PTPRD: variants seen among roughly 807,000 people sequenced by gnomAD.
PTPRD encodes the protein receptor-type tyrosine-protein phosphatase delta.
In PTPRD, 34 loss-of-function variants were observed where a neutral mutation model predicts 214.5. That is an observed-to-expected ratio of 0.16 (90% CI 0.12 to 0.21). The LOEUF (loss-of-function observed/expected upper bound fraction) is 0.21. Among genes scored for constraint, PTPRD ranks in the 10% least tolerant of loss-of-function variants. The probability of loss-of-function intolerance (pLI) is 1.00; values close to 1 mark genes in which losing one functional copy is unlikely to be tolerated. For synonymous variants in PTPRD, 1,128 were observed against 845.7 expected, an observed-to-expected ratio of 1.33 and a Z score of -5.79; for missense variants, 2,545 against 2,398.7, an observed-to-expected ratio of 1.06 and a Z score of -1.27.
chr9:9,589,044 T>C (rs1269350870), intron 7 of PTPRD, among the ~76,000 whole-genome samples: 1 of 151,954 alleles, frequency 6.6e-6, no homozygotes, highest in African/African-American at 2.4e-5. Flanking sequence ...GTTGACCACT[T>C]CCGTATGCTT....
chr9:9,031,610 A>G (rs1208885209), intron 10 of PTPRD, among the ~76,000 whole-genome samples: 4 of 152,088 alleles, frequency 2.6e-5, no homozygotes, highest in African/African-American at 7.2e-5. Context: ...TTAAGGGACC[A>G]CCAATAAATA....
chr9:8,371,142 A>G (rs1372338410), intron 39 of PTPRD, among the ~76,000 whole-genome samples: 1 of 152,078 alleles, frequency 6.6e-6, no homozygotes, highest in East Asian at 1.9e-4. Flanking sequence ...AGAGTGGTAG[A>G]AAAAGGAACT....
rs936973559 is a variant in PTPRD at position 9,101,092 on chromosome 9, A to G, written c.-143+82212T>C. Among the ~76,000 whole-genome samples the G allele has an allele frequency of 1.1e-3, 108 of 96,782 alleles. 1 individual carries two copies. The highest frequency in any genetic ancestry group is 9.8e-3 in the Middle Eastern group (2 of 204). The allele number at this position is 96,782 out of a possible 152,430, so 63.5% of individuals were successfully genotyped here. On this transcript the variant is annotated intron_variant, in intron 10 of 45. Transcript: ENST00000381196. ...AATATGAAATCTGAACCAATTGGCC[A>G]ATGTAAAACAGAGAGAGAGAGAGAG...
chr9:9,942,147 C>T (rs1485183714), intron 4 of PTPRD, among the ~76,000 whole-genome samples: 1 of 152,104 alleles, frequency 6.6e-6, no homozygotes, highest in African/African-American at 2.4e-5. Flanking sequence ...TCACCAAAAC[C>T]ACATTGATTG....
chr9:10,038,944 T>C (rs2097244755), intron 3 of PTPRD, among the ~76,000 whole-genome samples: 1 of 152,056 alleles, frequency 6.6e-6, no homozygotes, highest in East Asian at 1.9e-4. Flanking sequence ...TAAACTTTAA[T>C]CTCTGACCTT....
chr9:8,866,627 T>A (rs554560813), intron 11 of PTPRD, among the ~76,000 whole-genome samples: 1 of 152,336 alleles, frequency 6.6e-6, no homozygotes, highest in Admixed American at 6.5e-5. Context: ...AGCCCATTTT[T>A]CCATTCTAAT....
chr9:9,429,778 C>T lies in PTPRD; in HGVS notation c.-236-32296G>A, dbSNP rs570583768. Among the ~76,000 whole-genome samples, 173 of 152,094 alleles carry T rather than the reference C, an allele frequency of 1.1e-3. 1 individual carries two copies. Among genetic ancestry groups the T allele is most frequent in the African/African-American group, 3.4e-3 (142 of 41,510 alleles). ...AAATCAATAAACATAATCCATCATA[C>T]GAACAGAACCCAAGACAAAACCCAC... On this transcript the variant is annotated intron_variant, in intron 8 of 45. Coordinates refer to ENST00000381196, the MANE Select transcript of PTPRD (RefSeq NM_002839.4).
chr9:8,710,580 C>A (rs2098311490), intron 12 of PTPRD, among the ~76,000 whole-genome samples: 1 of 152,108 alleles, frequency 6.6e-6, no homozygotes, highest in South Asian at 2.1e-4. Context: ...TGTGCCACTG[C>A]ACTCCAGTCT....
chr9:9,501,714 T>C (rs1366832822), intron 8 of PTPRD, among the ~76,000 whole-genome samples: 2 of 151,980 alleles, frequency 1.3e-5, no homozygotes, highest in Non-Finnish European at 2.9e-5. Flanking sequence ...AGGTGTATTT[T>C]CTGGATACAA....
At chr9:10,163,246 T>C (rs1292698769) in intron 3 of PTPRD, among the ~76,000 whole-genome samples, 1 of 150,036 alleles carries the variant, frequency 6.7e-6, no homozygotes, top group Non-Finnish European at 1.5e-5. Context: ...AGTTTTTACT[T>C]TTTGCTATCT....
At chr9:10,201,593 CAT>C (rs1491474066) in intron 3 of PTPRD, among the ~76,000 whole-genome samples, 159 of 151,386 alleles carry the variant, frequency 1.1e-3, no homozygotes, top group African/African-American at 3.8e-3. Flanking sequence ...TGTGTGTGTG[CAT>C]GTGTGTGTGT....
chr9:8,322,918 T>G (rs1829867674), intron 44 of PTPRD, among the ~76,000 whole-genome samples: 1 of 152,110 alleles, frequency 6.6e-6, no homozygotes, highest in African/African-American at 2.4e-5. Flanking sequence ...CATTTACCAT[T>G]TGAAAATCCT....
intron 7 of PTPRD, among the ~76,000 whole-genome samples, chr9:9,616,131 T>C (rs1199521140): frequency 6.6e-6 from 1 of 152,178 alleles, no homozygotes; most frequent in Non-Finnish European, 1.5e-5. Context: ...TACAGGCTCA[T>C]AAGAAAGAAA....
At chr9:9,861,993 G>T (rs1397227126) in intron 5 of PTPRD, among the ~76,000 whole-genome samples, 2 of 152,178 alleles carry the variant, frequency 1.3e-5, no homozygotes, top group South Asian at 4.1e-4. Context: ...ACAATGTGAT[G>T]GCCATCACTG....
At chr9:8,800,467 A>C (rs534538922) in intron 11 of PTPRD, among the ~76,000 whole-genome samples, 1 of 152,320 alleles carries the variant, frequency 6.6e-6, no homozygotes, top group South Asian at 2.1e-4. Context: ...CTTGCAGTAA[A>C]GAAGCCAGCG....
chr9:8,934,133 GAGAA>G (rs1246523970), intron 11 of PTPRD, among the ~76,000 whole-genome samples: 2 of 151,730 alleles, frequency 1.3e-5, no homozygotes, highest in East Asian at 3.9e-4. Flanking sequence ...ACTGATAAGA[GAGAA>G]AGAGAGAATT....
At chr9:8,913,501 C>G (rs865992495) in intron 11 of PTPRD, among the ~76,000 whole-genome samples, 1 of 152,078 alleles carries the variant, frequency 6.6e-6, no homozygotes, top group Non-Finnish European at 1.5e-5. Flanking sequence ...ATGAGGGGTT[C>G]TATTCTGAGT....
intron 2 of PTPRD, among the ~76,000 whole-genome samples, chr9:10,368,831 G>A (rs181193498): frequency 1.3e-5 from 2 of 152,180 alleles, no homozygotes; most frequent in East Asian, 3.9e-4. Context: ...AAAATTTACT[G>A]ATTCATAGAA....
intron 11 of PTPRD, among the ~76,000 whole-genome samples, chr9:8,770,682 G>GAA: frequency 6.6e-6 from 1 of 152,140 alleles, no homozygotes; most frequent in East Asian, 1.9e-4. Context: ...TACTTTCGTG[G>GAA]AAATATATAT....
Sources: allele counts gnomAD v4.1 joint callset (sites outside exome capture counted in the v4.1 genomes callset), GRCh38; gene constraint gnomAD v4.1.1; transcripts MANE v1.5; gene names NCBI Gene and HGNC (gene_info 2026-07-23, HGNC 2026-07-21).